Variants in PRKCI observed in about 807,000 individuals in gnomAD.
PRKCI encodes protein kinase C iota, also known as protein kinase C iota type.
PRKCI carries 43 observed loss-of-function variants against 84.0 expected under a neutral mutation model. The observed-to-expected ratio is 0.51, with a 90% CI of 0.40 to 0.66. PRKCI has a LOEUF of 0.66. Ranked by LOEUF, PRKCI falls within the 30% of genes least tolerant of loss-of-function variation. PRKCI has a pLI of 0.00. For missense variants in PRKCI, 459 were observed against 745.6 expected (o/e 0.62, Z 4.48); for synonymous variants, 216 against 234.4 (o/e 0.92, Z 0.72).
chr3:170,222,629 CGCACCCCCG>C lies in PRKCI; in HGVS notation c.-38_-30del, dbSNP rs1732517020. 6.7e-7 allele frequency: 1 copy of C among 1,502,494 alleles called. No homozygotes were observed. The highest frequency in any genetic ancestry group is 2.7e-5 in the East Asian group (1 of 36,686). The allele number at this position is 1,502,494 out of a possible 1,614,324, so 93.1% of individuals were successfully genotyped here. On this transcript the variant is annotated 5_prime_UTR_variant, in exon 1 of 18. Coordinates refer to ENST00000295797, the MANE Select transcript of PRKCI (RefSeq NM_002740.6). Reference sequence around the variant, plus strand: ...CCCCACGGCGCCCGAAGCGCCCCCCCGCACCCCCGGCCTCCAGCGTTGAGGCGGGGGAGT... The same window carrying C: ...CCCCACGGCGCCCGAAGCGCCCCCCCGCCTCCAGCGTTGAGGCGGGGGAGT...
intron 8 of PRKCI, among the ~76,000 whole-genome samples, chr3:170,277,847 G>C (rs1041669003): frequency 6.6e-6 from 1 of 151,796 alleles, no homozygotes; most frequent in African/African-American, 2.4e-5. Context: ...GTGTATATTT[G>C]TTTTTTTAAA....
At chr3:170,274,149 C>G (rs768681013) in intron 7 of PRKCI, among the ~76,000 whole-genome samples, 2 of 151,736 alleles carry the variant, frequency 1.3e-5, no homozygotes, top group African/African-American at 4.8e-5. Flanking sequence ...CTTTTTCTTT[C>G]GAGACAGAGT....
chr3:170,294,012 A>G (rs1734634891), intron 14 of PRKCI, among the ~76,000 whole-genome samples: 2 of 152,088 alleles, frequency 1.3e-5, no homozygotes, highest in Non-Finnish European at 2.9e-5. Context: ...GTTTTTTAAT[A>G]CATTCTTTCT....
At chr3:170,285,776 G>A (rs1025455477) in intron 12 of PRKCI, among the ~76,000 whole-genome samples, 4 of 149,928 alleles carry the variant, frequency 2.7e-5, no homozygotes, top group African/African-American at 9.9e-5. Context: ...ACAGAGTCTC[G>A]CTCTGTCGTC....
chr3:170,252,620 A>G (rs1318975030), intron 2 of PRKCI, among the ~76,000 whole-genome samples: 1 of 144,134 alleles, frequency 6.9e-6, no homozygotes, highest in African/African-American at 2.6e-5. Context: ...TTTTTTTCTG[A>G]GACAGTGTCT....
chr3:170,269,616 A>C (rs985866341), intron 5 of PRKCI, among the ~76,000 whole-genome samples: 3 of 152,200 alleles, frequency 2.0e-5, no homozygotes. Flanking sequence ...ACTGGACTCC[A>C]GCCTGGCTGA....
chr3:170,279,884 A>G (rs1324289350), intron 8 of PRKCI, among the ~76,000 whole-genome samples: 5 of 152,034 alleles, frequency 3.3e-5, no homozygotes, highest in Admixed American at 2.0e-4. Context: ...GGTACCCCCA[A>G]TCTCTTGGTC....
intron 7 of PRKCI, 147 bp downstream of exon 7, chr3:170,273,487 C>G: frequency 1.3e-6 from 1 of 784,310 alleles, no homozygotes; most frequent in Non-Finnish European, 2.0e-6. Flanking sequence ...TGAAATCAGT[C>G]ACACTATTTA....
chr3:170,279,615 A>G (rs1418653702), intron 8 of PRKCI, among the ~76,000 whole-genome samples: 1 of 152,188 alleles, frequency 6.6e-6, no homozygotes, highest in Non-Finnish European at 1.5e-5. Flanking sequence ...TTGTCGTCCC[A>G]AAGGGGTCTT....
chr3:170,252,075 G>C (rs766281832), intron 2 of PRKCI, among the ~76,000 whole-genome samples: 2 of 151,970 alleles, frequency 1.3e-5, no homozygotes, highest in African/African-American at 4.8e-5. Context: ...TTAGCCAGGC[G>C]TGGCGGCGTG....
rs183959247 is a variant in PRKCI, at chr3:170,251,544, G to C, written c.224-8425G>C. Among the ~76,000 whole-genome samples, 293 of 152,240 alleles carry C rather than the reference G, an allele frequency of 1.9e-3. 1 individual carries two copies. The highest frequency in any genetic ancestry group is 2.5e-3 in the Non-Finnish European group (168 of 68,024). The stretch of plus-strand genomic sequence containing the variant: ...TCAAAAATCACTAATAATTAAAGAA[G>C]TTTTGAAATATTAAAGTGAGACATT... On this transcript the variant is annotated intron_variant, in intron 2 of 17. Transcript: ENST00000295797.
chr3:170,259,290 G>C (rs1198327759), intron 2 of PRKCI, among the ~76,000 whole-genome samples: 1 of 152,032 alleles, frequency 6.6e-6, no homozygotes, highest in Non-Finnish European at 1.5e-5. Context: ...AGGATTGCTT[G>C]AGCCCAGGAG....
chr3:170,282,809 A>C (rs926795118), intron 11 of PRKCI, among the ~76,000 whole-genome samples: 119 of 151,940 alleles, frequency 7.8e-4, no homozygotes, highest in African/African-American at 2.8e-3. Context: ...ATTGATGAAT[A>C]AAATAATATC....
intron 9 of PRKCI, 109 bp downstream of exon 9, chr3:170,280,512 A>T (rs556515366): frequency 9.5e-7 from 1 of 1,052,986 alleles, no homozygotes; most frequent in African/African-American, 1.6e-5. Context: ...CTAGTGGTGC[A>T]ATCTTGGCTC....
In PRKCI at chr3:170,270,447, C is replaced by G; in HGVS notation, c.477C>G (p.Asp159Glu). The change falls in exon 6 of 18, where the codon GAC (aspartate) becomes GAG (glutamate). Residue 159 changes from aspartate (D) to glutamate (E), a missense_variant. Coordinates refer to ENST00000295797, the MANE Select transcript of PRKCI (RefSeq NM_002740.6). ...NRRAHCAICT[D>E]RIWGLGRQGY... ...GTGCTCACTGTGCCATCTGCACAGA[C>G]CGAATATGGGGACTTGGACGCCAAG... The G allele has an allele frequency of 6.2e-7, 1 of 1,613,352 alleles. No homozygotes were observed. Among genetic ancestry groups the G allele is most frequent in the Non-Finnish European group, 8.5e-7 (1 of 1,179,718 alleles).
intron 11 of PRKCI, among the ~76,000 whole-genome samples, chr3:170,283,592 A>T (rs1734306856): frequency 6.6e-6 from 1 of 152,144 alleles, no homozygotes; most frequent in African/African-American, 2.4e-5. Context: ...GCCACAGATG[A>T]TATTTTGAAT....
intron 12 of PRKCI, among the ~76,000 whole-genome samples, chr3:170,287,908 C>CAAAAAAAA: frequency 2.0e-5 from 1 of 50,542 alleles, no homozygotes. Flanking sequence ...GACTCTGTCT[C>CAAAAAAAA]AAAAAAAAAA....
At chr3:170,229,939 T>A (rs1048934296) in intron 1 of PRKCI, among the ~76,000 whole-genome samples, 3 of 152,170 alleles carry the variant, frequency 2.0e-5, no homozygotes, top group Non-Finnish European at 2.9e-5. Flanking sequence ...TGTTCCTATT[T>A]TACCCATTTT....
At chr3:170,302,563 C>T (rs911516768) in intron 17 of PRKCI, among the ~76,000 whole-genome samples, 1 of 152,176 alleles carries the variant, frequency 6.6e-6, no homozygotes, top group Non-Finnish European at 1.5e-5. Context: ...CTCTCTGTGA[C>T]CCATGATCTC....
Sources: gnomAD v4.1 joint callset for allele counts (sites outside exome capture counted in the v4.1 genomes callset) on GRCh38, gnomAD v4.1.1 for gene constraint, MANE v1.5 for transcripts, NCBI Gene and HGNC (gene_info 2026-07-23, HGNC 2026-07-21) for gene names.